HMGA2: variants seen among roughly 807,000 people sequenced by gnomAD.
The protein encoded by HMGA2 is high mobility group protein HMGI-C.
HMGA2 carries 8 observed loss-of-function variants against 19.1 expected under a neutral mutation model. The ratio of observed to expected loss-of-function variants is 0.42; its 90% CI spans 0.25 to 0.76. The LOEUF (loss-of-function observed/expected upper bound fraction) is 0.76. Ranked by LOEUF, HMGA2 falls within the 30% of genes least tolerant of loss-of-function variation. HMGA2 has a pLI of 0.28. For missense variants in HMGA2, 109 were observed against 136.3 expected (o/e 0.80, Z 1.00); for synonymous variants, 60 against 48.8 (o/e 1.23, Z -0.96).
In HMGA2 at chr12:65,825,721, C is replaced by T. The variant is rs1331598376; in HGVS notation, c.111+340C>T. Among the ~76,000 whole-genome samples the T allele has an allele frequency of 6.6e-6, 1 of 152,194 alleles. No homozygotes were observed. The highest frequency in any genetic ancestry group is 2.1e-4 in the South Asian group (1 of 4,832). Reference sequence around the variant, plus strand: ...TGGAAGCGACCGGGATCCGACAAACCCGGGCTCGCAGGCGCTTTCCGAGTT... The same window carrying T: ...TGGAAGCGACCGGGATCCGACAAACTCGGGCTCGCAGGCGCTTTCCGAGTT... On this transcript the variant is annotated intron_variant, in intron 1 of 4. Coordinates refer to ENST00000403681, the MANE Select transcript of HMGA2 (RefSeq NM_003483.6). The surrounding 1 kb of genome is among the most constrained non-coding windows in gnomAD (Gnocchi z 4.4).
chr12:65,907,194 A>C (rs1312637747), intron 3 of HMGA2, among the ~76,000 whole-genome samples: 4 of 152,108 alleles, frequency 2.6e-5, no homozygotes, highest in Non-Finnish European at 5.9e-5. Context: ...CAGGAGTTCG[A>C]GACCAGCCTG....
chr12:65,962,955 G>T (rs1254168962), intron 4 of HMGA2, among the ~76,000 whole-genome samples: 1 of 152,066 alleles, frequency 6.6e-6, no homozygotes, highest in East Asian at 1.9e-4. Context: ...GAGTAAGCGT[G>T]CATTGCCCTG....
intron 3 of HMGA2, among the ~76,000 whole-genome samples, chr12:65,918,674 A>G (rs191926434): frequency 3.5e-4 from 53 of 152,360 alleles, no homozygotes; most frequent in African/African-American, 1.2e-3. Context: ...GGTAAAGATC[A>G]AGATGAATGG....
intron 3 of HMGA2, among the ~76,000 whole-genome samples, chr12:65,931,298 A>T (rs1875701444): frequency 6.6e-6 from 1 of 152,114 alleles, no homozygotes; most frequent in South Asian, 2.1e-4. Context: ...CATCTTGTTG[A>T]AGAGGGAAAA....
intron 3 of HMGA2, chr12:65,842,680 T>A: frequency 6.5e-7 from 1 of 1,527,714 alleles, no homozygotes; most frequent in Non-Finnish European, 8.8e-7. Context: ...AAGAAGTATT[T>A]CTGCTGTTTG....
chr12:65,856,486 T>G (rs1474142902), intron 3 of HMGA2: 1 of 152,328 alleles, frequency 6.6e-6, no homozygotes, highest in Middle Eastern at 3.1e-3. Flanking sequence ...AGCCGCTTCC[T>G]CTTGCCTCAC....
intron 3 of HMGA2, among the ~76,000 whole-genome samples, chr12:65,940,684 A>G (rs1876063316): frequency 1.3e-5 from 2 of 152,196 alleles, no homozygotes; most frequent in South Asian, 4.1e-4. Context: ...GCAGTGTAGA[A>G]TAGTGAGAAG....
intron 4 of HMGA2, chr12:65,955,421 AG>A (rs1565742396): frequency 6.6e-6 from 1 of 152,148 alleles, no homozygotes; most frequent in Admixed American, 6.5e-5. Context: ...TGTCTAAAAA[AG>A]TTTCGCTAGT....
chr12:65,840,314 T>C (rs1592378154), intron 3 of HMGA2, among the ~76,000 whole-genome samples: 1 of 152,238 alleles, frequency 6.6e-6, no homozygotes, highest in Admixed American at 6.5e-5. Flanking sequence ...GTCTTGTCTC[T>C]GCTCCATGAT....
Position 65,848,527 on chromosome 12 carries a change from C to T in HMGA2, c.249+9958C>T, listed in dbSNP as rs963731435. Among the ~76,000 whole-genome samples the T allele has an allele frequency of 3.3e-5, 5 of 152,284 alleles. No individual in the cohort carries two copies. The South Asian group carries it at 1.0e-3, about 32-fold the overall frequency. On this transcript the variant is annotated intron_variant, in intron 3 of 4. Transcript: ENST00000403681. ...GCTTATGTCAACATGGGAGTAAGTA[C>T]TTCAGTTAGAATAATAGCTAGCAAT...
chr12:65,923,740 C>T (rs1478322860), intron 3 of HMGA2, among the ~76,000 whole-genome samples: 1 of 152,108 alleles, frequency 6.6e-6, no homozygotes, highest in Non-Finnish European at 1.5e-5. Context: ...CCGGGTGCGG[C>T]AGCTCATGCC....
At chr12:65,832,078 C>A (rs1010009901) in intron 2 of HMGA2, among the ~76,000 whole-genome samples, 5 of 151,800 alleles carry the variant, frequency 3.3e-5, no homozygotes, top group African/African-American at 1.2e-4. Flanking sequence ...AGGGCCCTAT[C>A]TGAGGATACA....
At chr12:65,826,021 G>A (rs1870160758) in intron 1 of HMGA2, 1 of 152,342 alleles carries the variant, frequency 6.6e-6, no homozygotes, top group African/African-American at 2.4e-5. Context: ...GCCGCCGGAG[G>A]GAGCCCGGGG....
In HMGA2 at chr12:65,861,856, T is replaced by C. The variant is rs184470435; in HGVS notation, c.249+23287T>C. Among the ~76,000 whole-genome samples the C allele has an allele frequency of 5.1e-3, 770 of 151,782 alleles. 8 individuals are homozygous for C. The highest frequency in any genetic ancestry group is 0.018 in the African/African-American group (735 of 41,484). On this transcript the variant is annotated intron_variant, in intron 3 of 4. Coordinates refer to ENST00000403681, the MANE Select transcript of HMGA2 (RefSeq NM_003483.6). The stretch of plus-strand genomic sequence containing the variant: ...TTGTGCAACATGTTTCTTTTTTTTT[T>C]TTTTTGGAATGAAGTTTCGCTCTTG...
chr12:65,907,358 C>G (rs964456136), intron 3 of HMGA2, among the ~76,000 whole-genome samples: 51 of 141,454 alleles, frequency 3.6e-4, no homozygotes, highest in African/African-American at 1.2e-3. Context: ...TGCAGCGAAC[C>G]AAGATCATGC....
chr12:65,893,248 C>G (rs1418617087), intron 3 of HMGA2, among the ~76,000 whole-genome samples: 1 of 152,168 alleles, frequency 6.6e-6, no homozygotes, highest in Admixed American at 6.5e-5. Context: ...TTGTTCATAG[C>G]AACATCTACT....
chr12:65,841,720 T>C (rs1871005429), intron 3 of HMGA2, among the ~76,000 whole-genome samples: 1 of 152,210 alleles, frequency 6.6e-6, no homozygotes, highest in South Asian at 2.1e-4. Context: ...TTTATTCTTG[T>C]GGGATATTTT....
intron 3 of HMGA2, among the ~76,000 whole-genome samples, chr12:65,840,519 T>C (rs1870951692): frequency 6.6e-6 from 1 of 152,188 alleles, no homozygotes. Flanking sequence ...TTACATGCAC[T>C]CAGGACTACC....
At position 65,825,366 on chromosome 12, in the gene HMGA2, C is replaced by G; in HGVS notation, c.96C>G (p.Pro32=). 6.5e-7 allele frequency: 1 copy of G among 1,531,824 alleles called. No homozygotes were observed. The highest frequency in any genetic ancestry group is 8.7e-7 in the Non-Finnish European group (1 of 1,143,208). 94.9% of individuals were successfully genotyped at this position (1,531,824 alleles called of 1,614,324 possible). ...CTCAGAAGAGAGGACGCGGCCGCCC[C>G]AGGAAGCAGCAGCAAGTCAGTACGA... ...PAPQKRGRGR[P]RKQQQEPTGE... Residue 32 remains proline, a synonymous_variant, in exon 1 of 5, where the codon CCC becomes CCG. Transcript: ENST00000403681. The surrounding 1 kb of genome is among the most constrained non-coding windows in gnomAD (Gnocchi z 4.4).
Sources: allele counts gnomAD v4.1 joint callset (sites outside exome capture counted in the v4.1 genomes callset), GRCh38; gene constraint gnomAD v4.1.1; non-coding constraint Gnocchi (gnomAD v3.1); transcripts MANE v1.5; gene names NCBI Gene and HGNC (gene_info 2026-07-23, HGNC 2026-07-21).